Variants in PTPN2 observed in about 807,000 individuals in gnomAD.
PTPN2 encodes protein tyrosine phosphatase non-receptor type 2, also known as tyrosine-protein phosphatase non-receptor type 2.
In PTPN2, 19 loss-of-function variants were observed where a neutral mutation model predicts 57.3. The observed-to-expected ratio is 0.33, with a 90% CI of 0.23 to 0.49. PTPN2 has a LOEUF of 0.49. Among genes scored for constraint, PTPN2 ranks in the 20% least tolerant of loss-of-function variants. The probability of loss-of-function intolerance (pLI) is 0.99; values close to 1 mark genes in which losing one functional copy is unlikely to be tolerated. For missense variants in PTPN2, 358 were observed against 501.1 expected (o/e 0.71, Z 2.73); for synonymous variants, 153 against 164.9 (o/e 0.93, Z 0.55).
intron 8 of PTPN2, 75 bp downstream of exon 8, chr18:12,801,895 G>A: frequency 7.6e-7 from 1 of 1,310,566 alleles, no homozygotes; most frequent in Non-Finnish European, 1.1e-6. Context: ...GAAATCCTAT[G>A]GCACCTGGTC....
intron 2 of PTPN2, among the ~76,000 whole-genome samples, chr18:12,848,929 C>A (rs2043301575): frequency 6.6e-6 from 1 of 152,188 alleles, no homozygotes; most frequent in African/African-American, 2.4e-5. Context: ...TAATTTATTT[C>A]TTTCCAATCC....
chr18:12,813,729 G>A (rs2041974285), intron 7 of PTPN2, among the ~76,000 whole-genome samples: 1 of 152,088 alleles, frequency 6.6e-6, no homozygotes, highest in African/African-American at 2.4e-5. Flanking sequence ...TTGAACTTAG[G>A]TTCTACAAAT....
At chr18:12,795,575 A>G (rs1469311453) in intron 8 of PTPN2, among the ~76,000 whole-genome samples, 1 of 152,184 alleles carries the variant, frequency 6.6e-6, no homozygotes, top group Admixed American at 6.5e-5. Context: ...GATTACAGGC[A>G]TGAGCCACTG....
intron 7 of PTPN2, among the ~76,000 whole-genome samples, chr18:12,803,772 T>A (rs2041516921): frequency 6.6e-6 from 1 of 152,010 alleles, no homozygotes; most frequent in South Asian, 2.1e-4. Context: ...TGCAATACAA[T>A]AATAGCAGGA....
intron 1 of PTPN2, among the ~76,000 whole-genome samples, chr18:12,878,919 C>CAT (rs1044116604): frequency 6.6e-5 from 10 of 152,226 alleles, no homozygotes; most frequent in African/African-American, 2.2e-4. Context: ...AGAAACAACC[C>CAT]ATAACATAGC....
At chr18:12,787,369 AAGTTACTTATTCTTTGACT>A (rs1408836278), downstream of PTPN2, 1 of 152,190 alleles carries the variant, frequency 6.6e-6, no homozygotes, top group African/African-American at 2.4e-5. Context: ...AATCTTGGGC[AAGTTACTTATTCTTTGACT>A]CAGTTTTCTC....
At chr18:12,832,828 C>A (rs771827448) in intron 3 of PTPN2, among the ~76,000 whole-genome samples, 1 of 152,236 alleles carries the variant, frequency 6.6e-6, no homozygotes, top group Non-Finnish European at 1.5e-5. Flanking sequence ...TGCTCTGTTG[C>A]CCAGGCTGGA....
chr18:12,823,679 A>C (rs1008050530), intron 5 of PTPN2, among the ~76,000 whole-genome samples: 1 of 152,166 alleles, frequency 6.6e-6, no homozygotes, highest in Admixed American at 6.5e-5. Context: ...TGTCTTAAAA[A>C]ATAGGGGACC....
chr18:12,846,432 G>T (rs546100438), intron 2 of PTPN2, among the ~76,000 whole-genome samples: 1 of 152,240 alleles, frequency 6.6e-6, no homozygotes, highest in South Asian at 2.1e-4. Context: ...CTTTACATCA[G>T]TATAGACACA....
At chr18:12,870,320 TGTATATATATGTATATATATAC>T (rs2044163730) in intron 1 of PTPN2, among the ~76,000 whole-genome samples, 1 of 43,210 alleles carries the variant, frequency 2.3e-5, no homozygotes, top group African/African-American at 1.2e-4. Flanking sequence ...CATATATATG[TGTATATATATGTATATATATAC>T]ATATATATGT....
intron 1 of PTPN2, among the ~76,000 whole-genome samples, chr18:12,873,226 A>G (rs1472647435): frequency 1.3e-5 from 2 of 150,580 alleles, no homozygotes; most frequent in East Asian, 3.9e-4. Context: ...GTCTCAAGAA[A>G]AAAAAAAAAA....
intron 8 of PTPN2, among the ~76,000 whole-genome samples, chr18:12,797,801 T>C (rs1423008483): frequency 1.3e-5 from 2 of 152,186 alleles, no homozygotes; most frequent in African/African-American, 4.8e-5. Context: ...GGCGTGATCA[T>C]AGCTCCCTGT....
intron 1 of PTPN2, among the ~76,000 whole-genome samples, chr18:12,864,726 T>C (rs148818968): frequency 3.3e-5 from 5 of 152,192 alleles, no homozygotes; most frequent in Non-Finnish European, 5.9e-5. Flanking sequence ...ATGTGTTTAC[T>C]TTCTCCTATT....
intron 2 of PTPN2, among the ~76,000 whole-genome samples, chr18:12,847,651 T>C (rs2043257905): frequency 6.6e-6 from 1 of 151,610 alleles, no homozygotes; most frequent in Non-Finnish European, 1.5e-5. Context: ...GAGTTTTTTT[T>C]CGCTCTTGTT....
intron 1 of PTPN2, among the ~76,000 whole-genome samples, chr18:12,868,751 C>A (rs1485811510): frequency 6.6e-6 from 1 of 150,472 alleles, no homozygotes; most frequent in African/African-American, 2.4e-5. Flanking sequence ...GATCTGCCCG[C>A]TTCAGCCTCC....
intron 3 of PTPN2, among the ~76,000 whole-genome samples, chr18:12,836,140 T>C (rs1466007595): frequency 6.6e-6 from 1 of 152,250 alleles, no homozygotes; most frequent in Non-Finnish European, 1.5e-5. Flanking sequence ...AAGACAGCCC[T>C]GTTGATAATC....
chr18:12,808,388 A>G (rs959903849), intron 7 of PTPN2, among the ~76,000 whole-genome samples: 1 of 152,234 alleles, frequency 6.6e-6, no homozygotes, highest in South Asian at 2.1e-4. Flanking sequence ...AGATAAATGT[A>G]TGAGGTGATA....
intron 8 of PTPN2, among the ~76,000 whole-genome samples, chr18:12,795,937 C>CT (rs71174143): frequency 0.012 from 1,731 of 140,056 alleles, 40 homozygotes; most frequent in African/African-American, 0.038. Flanking sequence ...GATTTAAAAT[C>CT]TTTTTTTTTT....
chr18:12,881,373 G>GT, intron 1 of PTPN2, among the ~76,000 whole-genome samples: 1 of 152,206 alleles, frequency 6.6e-6, no homozygotes, highest in South Asian at 2.1e-4. Flanking sequence ...GGAGGCAGAG[G>GT]TTGCAGTGAG....
Sources: allele counts gnomAD v4.1 joint callset (sites outside exome capture counted in the v4.1 genomes callset), GRCh38; gene constraint gnomAD v4.1.1; transcripts MANE v1.5; gene names NCBI Gene and HGNC (gene_info 2026-07-23, HGNC 2026-07-21).